The following TMEM217B variants were observed in gnomAD, a reference collection of about 807,000 sequenced individuals.
TMEM217B encodes transmembrane protein 217B.
At chr6:37,233,774 CGA>C in the TMEM217B span, among the ~76,000 whole-genome samples, 1 of 152,106 alleles carries the variant, frequency 6.6e-6, no homozygotes, top group Non-Finnish European at 1.5e-5. Flanking sequence ...CGCTAACTAA[CGA>C]AGTTACTAAC....
chr6:37,234,389 C>G, the TMEM217B span, among the ~76,000 whole-genome samples: 1 of 152,168 alleles, frequency 6.6e-6, no homozygotes, highest in Non-Finnish European at 1.5e-5. Flanking sequence ...CGTGAGCCAC[C>G]ACGCCTTGCC....
chr6:37,231,963 C>A, the TMEM217B span, among the ~76,000 whole-genome samples: 1 of 151,924 alleles, frequency 6.6e-6, no homozygotes, highest in Non-Finnish European at 1.5e-5. Context: ...AAATCAGAAT[C>A]TCTGGAGGTG....
chr6:37,243,889 T>G, the TMEM217B span, among the ~76,000 whole-genome samples: 2 of 151,664 alleles, frequency 1.3e-5, no homozygotes, highest in Admixed American at 6.6e-5. Flanking sequence ...GATGGGGGGG[T>G]GCACAGGACC....
chr6:37,249,301 C>A, the TMEM217B span, among the ~76,000 whole-genome samples: 1 of 151,822 alleles, frequency 6.6e-6, no homozygotes, highest in Non-Finnish European at 1.5e-5. Context: ...TATTTCTTTT[C>A]ATTCTTCTTC....
At chr6:37,213,233 C>G in the TMEM217B span, among the ~76,000 whole-genome samples, 1 of 152,210 alleles carries the variant, frequency 6.6e-6, no homozygotes, top group Non-Finnish European at 1.5e-5. Flanking sequence ...AAGTAGCTTC[C>G]AATTCTGCTG....
the TMEM217B span, among the ~76,000 whole-genome samples, chr6:37,215,553 A>G: frequency 2.4e-5 from 3 of 124,136 alleles, no homozygotes; most frequent in East Asian, 7.5e-4. Context: ...CCTGGGCTGC[A>G]GAGCGAGACT....
the TMEM217B span, among the ~76,000 whole-genome samples, chr6:37,228,998 A>G: frequency 2.0e-5 from 3 of 151,574 alleles, no homozygotes; most frequent in East Asian, 5.8e-4. Context: ...CTCCGTCTCA[A>G]AAAAAAAACA....
At chr6:37,257,184 T>C in the TMEM217B span, among the ~76,000 whole-genome samples, 1 of 152,210 alleles carries the variant, frequency 6.6e-6, no homozygotes. Context: ...ACATAGGGAT[T>C]AGATCATTTG....
chr6:37,254,634 A>G, the TMEM217B span, among the ~76,000 whole-genome samples: 232 of 152,374 alleles, frequency 1.5e-3, no homozygotes, highest in African/African-American at 5.3e-3. Flanking sequence ...AAATATGTGA[A>G]CAACATAGAA....
the TMEM217B span, among the ~76,000 whole-genome samples, chr6:37,224,976 C>T: frequency 1.3e-5 from 2 of 150,636 alleles, no homozygotes; most frequent in South Asian, 2.1e-4. Context: ...TACAGGAGTT[C>T]GAAACCAACC....
the TMEM217B span, among the ~76,000 whole-genome samples, chr6:37,241,232 A>T: frequency 1.3e-5 from 2 of 151,226 alleles, no homozygotes; most frequent in African/African-American, 4.9e-5. Flanking sequence ...CAGCTGCGTG[A>T]CACCATACCT....
chr6:37,226,459 A>ATT, the TMEM217B span, among the ~76,000 whole-genome samples: 1 of 144,130 alleles, frequency 6.9e-6, no homozygotes, highest in East Asian at 2.0e-4. Flanking sequence ...CGCCCAGCTA[A>ATT]TTTTTTTTTT....
chr6:37,229,335 G>GTTTTTTTTTTTTTTTTTTTTTTTTTTTT, the TMEM217B span, among the ~76,000 whole-genome samples: 1 of 74,368 alleles, frequency 1.3e-5, no homozygotes, highest in Admixed American at 2.3e-4. Context: ...GCAACTTTCA[G>GTTTTTTTTTTTTTTTTTTTTTTTTTTTT]TTTTTTTTTT....
At chr6:37,223,887 T>C in the TMEM217B span, among the ~76,000 whole-genome samples, 24 of 151,636 alleles carry the variant, frequency 1.6e-4, no homozygotes, top group African/African-American at 2.7e-4. Context: ...AATGCAATCA[T>C]AGCTCACTGC....
chr6:37,239,769 CATT>C, the TMEM217B span, among the ~76,000 whole-genome samples: 2,735 of 151,908 alleles, frequency 0.018, 69 homozygotes, highest in Middle Eastern at 0.054. Flanking sequence ...ACAACGAACA[CATT>C]ATAAAGCTTT....
At chr6:37,222,041 A>C in the TMEM217B span, among the ~76,000 whole-genome samples, 1 of 152,116 alleles carries the variant, frequency 6.6e-6, no homozygotes, top group Non-Finnish European at 1.5e-5. Context: ...TCCTCTCTGC[A>C]GCTGGTCGTC....
the TMEM217B span, among the ~76,000 whole-genome samples, chr6:37,216,422 A>G: frequency 5.9e-5 from 9 of 152,278 alleles, no homozygotes; most frequent in Admixed American, 1.3e-4. Context: ...TGTGAGGGCC[A>G]TGGGTCAGAA....
the TMEM217B span, among the ~76,000 whole-genome samples, chr6:37,227,161 A>C: frequency 2.0e-5 from 3 of 152,168 alleles, no homozygotes; most frequent in Non-Finnish European, 4.4e-5. Flanking sequence ...GGATTTTTGA[A>C]TCCACTGAGC....
the TMEM217B span, chr6:37,258,044 C>A: frequency 1.3e-6 from 2 of 1,543,070 alleles, no homozygotes; most frequent in Admixed American, 1.9e-5. Context: ...CTGAATCCCG[C>A]GGGCCTGGGG....
Sources: allele counts gnomAD v4.1 joint callset (sites outside exome capture counted in the v4.1 genomes callset), GRCh38; gene constraint gnomAD v4.1.1; transcripts MANE v1.5; gene names NCBI Gene and HGNC (gene_info 2026-07-23, HGNC 2026-07-21).